PCLO: variants seen among roughly 807,000 people sequenced by gnomAD.
PCLO encodes piccolo presynaptic cytomatrix protein.
Under a neutral mutation model 427.5 loss-of-function variants are expected in PCLO, and 82 were observed. That is an observed-to-expected ratio of 0.19 (90% CI 0.16 to 0.23). The LOEUF (loss-of-function observed/expected upper bound fraction) is 0.23. PCLO is among the 10% of genes least tolerant of loss of function. The pLI is 1.00. For missense variants in PCLO, 6,239 were observed against 6,115.9 expected, an observed-to-expected ratio of 1.02 and a Z score of -0.67; for synonymous variants, 2,357 against 2,155.4, an observed-to-expected ratio of 1.09 and a Z score of -2.59.
At chr7:83,112,551 T>C (rs1791032946) in intron 3 of PCLO, among the ~76,000 whole-genome samples, 3 of 152,194 alleles carry the variant, frequency 2.0e-5, no homozygotes, top group African/African-American at 2.4e-5. Flanking sequence ...TGAAGCCATT[T>C]AGCCATAAAT....
chr7:82,970,334 A>C (rs1051080400), intron 3 of PCLO, among the ~76,000 whole-genome samples: 17 of 152,004 alleles, frequency 1.1e-4, no homozygotes, highest in African/African-American at 4.1e-4. Flanking sequence ...GTTTCTGTAA[A>C]GGAGTAAAAT....
At chr7:82,879,247 G>C (rs1793443505) in intron 10 of PCLO, 90 bp downstream of exon 10, 2 of 1,159,396 alleles carry the variant, frequency 1.7e-6, no homozygotes, top group Admixed American at 5.5e-5. Context: ...TACCTACACA[G>C]AGAAGGATGA....
intron 4 of PCLO, among the ~76,000 whole-genome samples, chr7:82,963,106 A>G (rs1795688823): frequency 6.6e-6 from 1 of 152,044 alleles, no homozygotes; most frequent in Admixed American, 6.6e-5. Flanking sequence ...ATATATTTAA[A>G]GCAAAATAAA....
intron 21 of PCLO, among the ~76,000 whole-genome samples, chr7:82,803,155 C>T (rs1251806646): frequency 6.6e-6 from 1 of 151,818 alleles, no homozygotes; most frequent in African/African-American, 2.4e-5. Flanking sequence ...AAAAAAAGAA[C>T]TCTGCTCTAT....
At chr7:82,967,645 G>A (rs1233045195) in intron 3 of PCLO, among the ~76,000 whole-genome samples, 1 of 152,082 alleles carries the variant, frequency 6.6e-6, no homozygotes, top group Non-Finnish European at 1.5e-5. Context: ...AACTGGTTGA[G>A]AATTTTTGCA....
rs1790194852 is a variant in PCLO at position 83,084,984 on chromosome 7, T to C, written c.3300+49266A>G. Reference sequence around the variant, plus strand: ...AATATGACTCATTATAATTTCTTTATAATATACATGTGAAACAAAATCATA... The same window carrying C: ...AATATGACTCATTATAATTTCTTTACAATATACATGTGAAACAAAATCATA... On this transcript the variant is annotated intron_variant, in intron 3 of 24. Transcript: ENST00000333891. 2.6e-5 allele frequency among the ~76,000 whole-genome samples: 4 copies of C among 152,172 alleles called. 1 individual carries two copies. The highest frequency in any genetic ancestry group is 1.3e-4 in the Admixed American group (2 of 15,276).
intron 10 of PCLO, among the ~76,000 whole-genome samples, chr7:82,857,908 A>T (rs759262656): frequency 6.6e-6 from 1 of 152,154 alleles, no homozygotes; most frequent in African/African-American, 2.4e-5. Context: ...TGTTATGTAT[A>T]AAAATGTTAA....
chr7:83,151,208 AT>A (rs1482843256), intron 2 of PCLO, among the ~76,000 whole-genome samples: 2 of 152,208 alleles, frequency 1.3e-5, no homozygotes, highest in Non-Finnish European at 2.9e-5. Flanking sequence ...AGGAAAAAAA[AT>A]CAATGAAAGT....
chr7:82,955,489 T>C lies in PCLO; in HGVS notation c.5464A>G (p.Arg1822Gly), dbSNP rs781233727. 1.2e-6 allele frequency: 2 copies of C among 1,613,708 alleles called. No homozygotes were observed. The highest frequency in any genetic ancestry group is 1.7e-6 in the Non-Finnish European group (2 of 1,179,820). Residue 1822 changes from arginine (R) to glycine (G), a missense_variant, in exon 5 of 25, where the codon AGG becomes GGG. Arg to Gly is a moderately radical substitution (Grantham distance 125). This residue lies in a region of PCLO where 4,677 missense variants were observed against 4,468.4 expected (regional missense o/e 1.05). Coordinates refer to ENST00000333891, the MANE Select transcript of PCLO (RefSeq NM_033026.6). The part of the protein sequence containing the change: ...DELRAQRRRE[R>G]PKTPPSNLSP... ...AGATTACTAGGTGGTGTCTTTGGCC[T>C]TTCCCTTCTTCTCTGAGCTCGAAGT...
intron 3 of PCLO, among the ~76,000 whole-genome samples, chr7:83,122,510 T>G (rs1023475570): frequency 6.6e-6 from 1 of 152,146 alleles, no homozygotes; most frequent in Admixed American, 6.5e-5. Context: ...GGTCTCGAAC[T>G]GCTGACCTCA....
At chr7:82,983,294 A>T (rs946779310) in intron 3 of PCLO, among the ~76,000 whole-genome samples, 1 of 151,176 alleles carries the variant, frequency 6.6e-6, no homozygotes, top group African/African-American at 2.4e-5. Context: ...TATACTTATA[A>T]TTAGCACTCT....
At position 83,044,474 on chromosome 7, in the gene PCLO, G is replaced by C. The variant is rs138571519; in HGVS notation, c.3301-77987C>G. On this transcript the variant is annotated intron_variant, in intron 3 of 24. Coordinates refer to ENST00000333891, the MANE Select transcript of PCLO (RefSeq NM_033026.6). ...TAAAATATTAACTGGTTGTTTGAGTGGTTAAAATTTAACAAGAATTATTAA... is the reference window on the plus strand; with the variant it reads ...TAAAATATTAACTGGTTGTTTGAGTCGTTAAAATTTAACAAGAATTATTAA... Among the ~76,000 whole-genome samples the C allele has an allele frequency of 5.5e-4, 83 of 152,066 alleles. No homozygotes were observed. In the East Asian group the frequency reaches 0.015, roughly 28 times the overall value.
chr7:82,830,368 T>C (rs907065900), intron 16 of PCLO, among the ~76,000 whole-genome samples: 3 of 151,884 alleles, frequency 2.0e-5, no homozygotes, highest in Non-Finnish European at 4.4e-5. Context: ...ATGACTTAAT[T>C]TGATGGTGAT....
At chr7:82,760,373 A>AG (rs1340779407) in intron 24 of PCLO, among the ~76,000 whole-genome samples, 1 of 151,918 alleles carries the variant, frequency 6.6e-6, no homozygotes, top group East Asian at 1.9e-4. Flanking sequence ...GGGCCCAAAA[A>AG]GGTTTAGTGG....
intron 3 of PCLO, among the ~76,000 whole-genome samples, chr7:83,116,780 A>G (rs73180538): frequency 0.042 from 6,324 of 152,056 alleles, 162 homozygotes; most frequent in South Asian, 0.072. Context: ...CATCTCCTCA[A>G]CTCCCACGCC....
rs1260588243 is a variant in PCLO at position 82,760,767 on chromosome 7, A to G, written c.15160T>C (p.Tyr5054His). ...DHLPDLYVKI[Y>H]VMNISTQKKV... ...TTTTGGGTAGAAATATTCATCACAT[A>G]TATTTTCACATATAAATCTGAAAAT... The change falls in exon 24 of 25, where the codon TAT becomes CAT. Residue 5054 changes from tyrosine (Y) to histidine (H), a missense_variant. Physicochemically the swap from Tyr to His is moderately conservative, Grantham distance 83 (BLOSUM62 2). Coordinates refer to ENST00000333891, the MANE Select transcript of PCLO (RefSeq NM_033026.6). 8 of 1,456,484 alleles carry G rather than the reference A, an allele frequency of 5.5e-6. No individual in the cohort carries two copies. Among genetic ancestry groups the G allele is most frequent in the Non-Finnish European group, 7.6e-6 (8 of 1,052,316 alleles). 90.2% of individuals were successfully genotyped at this position (1,456,484 alleles called of 1,614,324 possible).
intron 3 of PCLO, among the ~76,000 whole-genome samples, chr7:82,989,173 T>C (rs1012456093): frequency 2.6e-5 from 4 of 151,872 alleles, no homozygotes; most frequent in African/African-American, 9.7e-5. Flanking sequence ...AGGAAAAAAA[T>C]GTAAAACTTG....
intron 3 of PCLO, among the ~76,000 whole-genome samples, chr7:83,104,018 T>A (rs756528470): frequency 4.6e-5 from 7 of 152,042 alleles, no homozygotes; most frequent in Non-Finnish European, 1.0e-4. Flanking sequence ...AAATTGTTGT[T>A]CATTAAGTAA....
At chr7:82,918,072 A>G (rs1157559719) in intron 6 of PCLO, among the ~76,000 whole-genome samples, 1 of 152,138 alleles carries the variant, frequency 6.6e-6, no homozygotes, top group East Asian at 1.9e-4. Context: ...ATTGAAGTTT[A>G]TATGTTTCTA....
Sources: allele counts gnomAD v4.1 joint callset (sites outside exome capture counted in the v4.1 genomes callset), GRCh38; gene constraint gnomAD v4.1.1; regional missense constraint gnomAD v4.1.1; transcripts MANE v1.5; gene names NCBI Gene and HGNC (gene_info 2026-07-23, HGNC 2026-07-21).